ZBTB20: variants seen among roughly 807,000 people sequenced by gnomAD.
ZBTB20 encodes zinc finger and BTB domain containing 20, also known as zinc finger and BTB domain-containing protein 20.
Under a neutral mutation model 56.9 loss-of-function variants are expected in ZBTB20, and 9 were observed. That is an observed-to-expected ratio of 0.16 (90% CI 0.10 to 0.28). ZBTB20 has a LOEUF of 0.28. Among genes scored for constraint, ZBTB20 ranks in the 10% least tolerant of loss-of-function variants. The probability of loss-of-function intolerance (pLI) is 1.00; values close to 1 mark genes in which losing one functional copy is unlikely to be tolerated. For synonymous variants in ZBTB20, 417 were observed against 420.7 expected, an observed-to-expected ratio of 0.99 and a Z score of 0.11; for missense variants, 655 against 1,003.0, an observed-to-expected ratio of 0.65 and a Z score of 4.69.
intron 3 of ZBTB20, among the ~76,000 whole-genome samples, chr3:114,947,113 T>C (rs1174688862): frequency 6.9e-6 from 1 of 144,964 alleles, no homozygotes; most frequent in Non-Finnish European, 1.5e-5. Context: ...TGAGAGATCA[T>C]CTCAGACTAC....
rs1553778348 is a variant in ZBTB20 at position 114,315,603 on chromosome 3, G to GTA, written c.*23401_*23402insTA. 9 of 152,156 alleles carry GTA rather than the reference G, an allele frequency of 5.9e-5. No individual in the cohort carries two copies. The highest frequency in any genetic ancestry group is 2.0e-4 in the African/African-American group (8 of 40,714). The allele number at this position is 152,156 out of a possible 1,614,324, so 9.4% of individuals were successfully genotyped here. A position where few individuals can be genotyped will look rare whatever the true frequency, so the allele number is the denominator to read the frequency against. On this transcript the variant is annotated 3_prime_UTR_variant, in exon 12 of 12. Transcript: ENST00000675478. Reference sequence around the variant, plus strand: ...TGTGTGTGTGTGTGTGTGTGTGTGTGTGTACACAGTAGCAATTGCAAAAAA... The same window carrying GTA: ...TGTGTGTGTGTGTGTGTGTGTGTGTGTATGTACACAGTAGCAATTGCAAAAAA...
At chr3:115,080,628 T>G (rs984027365) in intron 1 of ZBTB20, among the ~76,000 whole-genome samples, 8 of 152,150 alleles carry the variant, frequency 5.3e-5, no homozygotes, top group African/African-American at 1.9e-4. Flanking sequence ...AATTAGAACA[T>G]TTCAGCAAGA....
intron 6 of ZBTB20, among the ~76,000 whole-genome samples, chr3:114,640,839 C>T (rs1046799408): frequency 1.3e-5 from 2 of 151,862 alleles, no homozygotes; most frequent in African/African-American, 4.8e-5. Flanking sequence ...AAGATGACAA[C>T]AAAATTTCTA....
At chr3:114,810,713 T>C (rs565790292) in intron 4 of ZBTB20, among the ~76,000 whole-genome samples, 2 of 152,354 alleles carry the variant, frequency 1.3e-5, no homozygotes, top group African/African-American at 2.4e-5. Context: ...TTATGCCATA[T>C]GCCATTTCTT....
At chr3:115,123,758 C>A (rs2084247128) in intron 1 of ZBTB20, among the ~76,000 whole-genome samples, 1 of 152,172 alleles carries the variant, frequency 6.6e-6, no homozygotes, top group Non-Finnish European at 1.5e-5. Flanking sequence ...ACCTTATATT[C>A]TTTATTCCAA....
intron 3 of ZBTB20, among the ~76,000 whole-genome samples, chr3:114,916,217 T>C (rs558521753): frequency 1.8e-4 from 28 of 152,252 alleles, no homozygotes; most frequent in South Asian, 1.2e-3. Flanking sequence ...ATTTGCTTTA[T>C]ATATCTGGGT....
chr3:114,337,652 CAT>C lies in ZBTB20; in HGVS notation c.*1351_*1352del, dbSNP rs1428624086. ...GGGATGGGCTGGCCACAGAGGCCCTCATCAACCCAGGCAATACTTAAAATAAT... is the reference window on the plus strand; with the variant it reads ...GGGATGGGCTGGCCACAGAGGCCCTCCAACCCAGGCAATACTTAAAATAAT... On this transcript the variant is annotated 3_prime_UTR_variant, in exon 12 of 12. Transcript: ENST00000675478. 2.6e-5 allele frequency: 4 copies of C among 152,100 alleles called. No homozygotes were observed. Among genetic ancestry groups the C allele is most frequent in the Middle Eastern group, 3.4e-3 (1 of 294 alleles). 9.4% of individuals were successfully genotyped at this position (152,100 alleles called of 1,614,324 possible). A position where few individuals can be genotyped will look rare whatever the true frequency, so the allele number is the denominator to read the frequency against.
chr3:114,475,750 C>T (rs1606493), intron 7 of ZBTB20, among the ~76,000 whole-genome samples: 96,291 of 152,024 alleles, frequency 0.63, 31,017 homozygotes, highest in East Asian at 0.74. Flanking sequence ...AATTGAGAAG[C>T]TTGGAAACCA....
chr3:114,949,696 A>G (rs2076997964), intron 3 of ZBTB20, among the ~76,000 whole-genome samples: 1 of 132,756 alleles, frequency 7.5e-6, no homozygotes, highest in Non-Finnish European at 1.5e-5. Flanking sequence ...TGAACTCAGG[A>G]GGCAAATTTT....
chr3:115,097,160 C>A (rs1399634034), intron 1 of ZBTB20, among the ~76,000 whole-genome samples: 1 of 152,028 alleles, frequency 6.6e-6, no homozygotes, highest in Non-Finnish European at 1.5e-5. Context: ...TATGGTCTGG[C>A]ATTCCATTTT....
At chr3:114,452,373 G>T (rs1414748133) in intron 7 of ZBTB20, among the ~76,000 whole-genome samples, 2 of 152,168 alleles carry the variant, frequency 1.3e-5, no homozygotes, top group African/African-American at 4.8e-5. Flanking sequence ...ACATGTAAGT[G>T]TAAGAAGTGA....
At position 115,106,674 on chromosome 3, in the gene ZBTB20, A is replaced by C. The variant is rs200496529; in HGVS notation, c.-702-35260T>G. Among the ~76,000 whole-genome samples the C allele has an allele frequency of 3.9e-5, 6 of 152,314 alleles. No individual in the cohort carries two copies. In the East Asian group the frequency reaches 1.2e-3, roughly 29 times the overall value. ...TTAAATTCTAATCAACAAATGTTTAAATTTAAAACTAAAATAAAGTATTAC... is the reference window on the plus strand; with the variant it reads ...TTAAATTCTAATCAACAAATGTTTACATTTAAAACTAAAATAAAGTATTAC... On this transcript the variant is annotated intron_variant, in intron 1 of 11. Coordinates refer to ENST00000675478, the MANE Select transcript of ZBTB20 (RefSeq NM_001348800.3).
At chr3:114,439,439 T>C (rs939633755) in intron 7 of ZBTB20, among the ~76,000 whole-genome samples, 3 of 152,204 alleles carry the variant, frequency 2.0e-5, no homozygotes, top group Admixed American at 1.3e-4. Flanking sequence ...TTTCTTATTA[T>C]GCTAAGTTGA....
At chr3:114,718,638 C>A (rs2064684242) in intron 5 of ZBTB20, among the ~76,000 whole-genome samples, 1 of 151,968 alleles carries the variant, frequency 6.6e-6, no homozygotes, top group Non-Finnish European at 1.5e-5. Flanking sequence ...TGGAGAGAAT[C>A]CCAATAACTT....
intron 2 of ZBTB20, among the ~76,000 whole-genome samples, chr3:115,006,360 G>T (rs184636988): frequency 7.3e-5 from 11 of 151,094 alleles, no homozygotes; most frequent in African/African-American, 2.7e-4. Context: ...TAGCACTTCG[G>T]GTACTGAATA....
chr3:114,375,398 T>C (rs530094646), intron 10 of ZBTB20, among the ~76,000 whole-genome samples: 1 of 152,278 alleles, frequency 6.6e-6, no homozygotes, highest in East Asian at 1.9e-4. Context: ...AGAAAAAAAA[T>C]TACTCTTTAA....
At chr3:115,124,910 TTA>T (rs1278875595) in intron 1 of ZBTB20, among the ~76,000 whole-genome samples, 2 of 152,092 alleles carry the variant, frequency 1.3e-5, no homozygotes, top group Non-Finnish European at 2.9e-5. Flanking sequence ...ATTAAGATTT[TTA>T]TGTTTATTAG....
chr3:115,026,143 A>G (rs894377828), intron 2 of ZBTB20, among the ~76,000 whole-genome samples: 1 of 150,850 alleles, frequency 6.6e-6, no homozygotes, highest in African/African-American at 2.4e-5. Context: ...CAAATAACCG[A>G]TGTTCAATTT....
chr3:114,949,071 A>C (rs1455662701), intron 3 of ZBTB20, among the ~76,000 whole-genome samples: 1 of 146,240 alleles, frequency 6.8e-6, no homozygotes, highest in Non-Finnish European at 1.5e-5. Flanking sequence ...TCATTGATGC[A>C]AGGGTAAATA....
Sources: allele counts gnomAD v4.1 joint callset (sites outside exome capture counted in the v4.1 genomes callset), GRCh38; gene constraint gnomAD v4.1.1; transcripts MANE v1.5; gene names NCBI Gene and HGNC (gene_info 2026-07-23, HGNC 2026-07-21).